The following INPP4A variants were observed in gnomAD, a reference collection of about 807,000 sequenced individuals.
The protein encoded by INPP4A is inositol polyphosphate-4-phosphatase type I A, also known as inositol polyphosphate-4-phosphatase, type I, 107kD.
A neutral mutation model predicts 119.8 loss-of-function variants in INPP4A; 33 were observed. The observed-to-expected ratio is 0.28, with a 90% CI of 0.21 to 0.37. The LOEUF (loss-of-function observed/expected upper bound fraction) is 0.37, where lower values mean the gene tolerates loss of function less well. INPP4A is among the 10% of genes least tolerant of loss of function. INPP4A has a pLI of 1.00. For missense variants in INPP4A, 956 were observed against 1,289.9 expected, an observed-to-expected ratio of 0.74 and a Z score of 3.97; for synonymous variants, 496 against 500.7, an observed-to-expected ratio of 0.99 and a Z score of 0.12.
In INPP4A at chr2:98,546,478, A is replaced by G. The variant is rs1445504170; in HGVS notation, c.1055-108A>G. 2.8e-6 allele frequency: 2 copies of G among 722,170 alleles called. No homozygotes were observed. Among genetic ancestry groups the G allele is most frequent in the East Asian group, 5.2e-5 (2 of 38,206 alleles). 44.7% of individuals were successfully genotyped at this position (722,170 alleles called of 1,614,324 possible). On this transcript the variant is annotated intron_variant, in intron 12 of 24. Transcript: ENST00000409851. The surrounding 1 kb of genome is among the most constrained non-coding windows in gnomAD (Gnocchi z 4.2). ...GGATCAGGGGAACCAAAGGCTGTAC[A>G]GCAGTGGGCTGGAGGGTCAGGACCC...
At chr2:98,525,232 C>T (rs766105304) in intron 4 of INPP4A, among the ~76,000 whole-genome samples, 7 of 152,232 alleles carry the variant, frequency 4.6e-5, no homozygotes, top group Non-Finnish European at 1.0e-4. Flanking sequence ...CAGTCCTCTT[C>T]CTCCATCTTC....
intron 1 of INPP4A, among the ~76,000 whole-genome samples, chr2:98,478,476 G>A (rs1300379878): frequency 1.3e-5 from 2 of 152,132 alleles, no homozygotes; most frequent in African/African-American, 4.8e-5. Flanking sequence ...CCAGACCTGC[G>A]CTGCTGTTAG....
At chr2:98,450,202 G>A (rs112640677) in intron 1 of INPP4A, among the ~76,000 whole-genome samples, 10 of 152,096 alleles carry the variant, frequency 6.6e-5, no homozygotes, top group Admixed American at 6.5e-5. Context: ...CTGTCCAAAG[G>A]TGAGCTGTGG....
intron 1 of INPP4A, among the ~76,000 whole-genome samples, chr2:98,450,886 C>T (rs1695108371): frequency 6.6e-6 from 1 of 152,150 alleles, no homozygotes; most frequent in Non-Finnish European, 1.5e-5. Context: ...GTACTCCTGC[C>T]TCACCCTCCC....
intron 1 of INPP4A, among the ~76,000 whole-genome samples, chr2:98,496,331 A>T (rs1404371240): frequency 2.0e-5 from 3 of 152,220 alleles, no homozygotes; most frequent in Non-Finnish European, 4.4e-5. Flanking sequence ...CGTACAGAAG[A>T]ATGAAATTAG....
At chr2:98,525,166 C>T (rs1477045688) in intron 4 of INPP4A, among the ~76,000 whole-genome samples, 1 of 152,140 alleles carries the variant, frequency 6.6e-6, no homozygotes, top group Non-Finnish European at 1.5e-5. Context: ...TGCTAGCTAT[C>T]AGTTAAGGCC....
At chr2:98,510,515 G>A (rs933132306) in intron 1 of INPP4A, among the ~76,000 whole-genome samples, 4 of 152,160 alleles carry the variant, frequency 2.6e-5, no homozygotes, top group African/African-American at 9.7e-5. Context: ...TGTTGGGAAG[G>A]CGCTGGCATT....
intron 1 of INPP4A, among the ~76,000 whole-genome samples, chr2:98,476,894 G>A (rs1260209852): frequency 6.6e-6 from 1 of 152,186 alleles, no homozygotes; most frequent in East Asian, 1.9e-4. Context: ...TGTTCTCTGG[G>A]TACTCACAGC....
At chr2:98,459,806 A>G (rs1339712577) in intron 1 of INPP4A, among the ~76,000 whole-genome samples, 2 of 152,262 alleles carry the variant, frequency 1.3e-5, no homozygotes, top group Non-Finnish European at 2.9e-5. Context: ...TTGTCAAAGT[A>G]GCAAGAAAAG....
At position 98,533,797 on chromosome 2, in the gene INPP4A, A is replaced by G. The variant is rs112926592; in HGVS notation, c.270+302A>G. Among the ~76,000 whole-genome samples the G allele has an allele frequency of 4.6e-3, 706 of 152,330 alleles. 6 individuals are homozygous for G. Among genetic ancestry groups the G allele is most frequent in the African/African-American group, 0.016 (676 of 41,570 alleles). On this transcript the variant is annotated intron_variant, in intron 5 of 24. Transcript: ENST00000409851. ...ACCTAATTCCTTCTTGTCACCTCCA[A>G]TTGGCTGCTACTTTGCAAGAGTGGT... is the stretch of plus-strand genomic sequence containing the variant.
chr2:98,523,975 C>G (rs1687717662), intron 4 of INPP4A, among the ~76,000 whole-genome samples: 1 of 152,028 alleles, frequency 6.6e-6, no homozygotes, highest in Non-Finnish European at 1.5e-5. Flanking sequence ...TCTTGACATT[C>G]TTTTTTCATG....
intron 1 of INPP4A, among the ~76,000 whole-genome samples, chr2:98,511,508 G>A (rs924421341): frequency 6.6e-6 from 1 of 152,182 alleles, no homozygotes; most frequent in African/African-American, 2.4e-5. Flanking sequence ...GAGGTGGGAG[G>A]TGGGAGAGGG....
In INPP4A at chr2:98,588,435, T is replaced by C. The variant is rs1700144580; in HGVS notation, c.*827T>C. 3 of 204,826 alleles carry C rather than the reference T, an allele frequency of 1.5e-5. No individual in the cohort carries two copies. The highest frequency in any genetic ancestry group is 3.8e-4 in the South Asian group (2 of 5,296). The allele number at this position is 204,826 out of a possible 1,614,324, so 12.7% of individuals were successfully genotyped here. ...TTAATGTAGGGCCTCAGATGTGGCATGTCAACACTCCCATGGGGAATTTAT... is the reference window on the plus strand; with the variant it reads ...TTAATGTAGGGCCTCAGATGTGGCACGTCAACACTCCCATGGGGAATTTAT... On this transcript the variant is annotated 3_prime_UTR_variant, in exon 25 of 25. Coordinates refer to ENST00000409851, the MANE Select transcript of INPP4A (RefSeq NM_001134225.2).
chr2:98,479,160 C>A (rs556839913), intron 1 of INPP4A, among the ~76,000 whole-genome samples: 3 of 152,154 alleles, frequency 2.0e-5, no homozygotes, highest in Non-Finnish European at 1.5e-5. Context: ...AGATATTATT[C>A]GCTGATTTTT....
intron 1 of INPP4A, among the ~76,000 whole-genome samples, chr2:98,506,587 G>A (rs1684088625): frequency 6.6e-6 from 1 of 152,208 alleles, no homozygotes; most frequent in Non-Finnish European, 1.5e-5. Flanking sequence ...GCAGGTGAGC[G>A]GGCAGAAGGC....
At chr2:98,496,467 A>G (rs1681974836) in intron 1 of INPP4A, among the ~76,000 whole-genome samples, 2 of 152,246 alleles carry the variant, frequency 1.3e-5, no homozygotes, top group Admixed American at 1.3e-4. Context: ...GGTACGGGCA[A>G]GGCTTTTTGA....
At chr2:98,579,607 CT>C (rs1486698398) in intron 24 of INPP4A, among the ~76,000 whole-genome samples, 5 of 152,252 alleles carry the variant, frequency 3.3e-5, no homozygotes, top group African/African-American at 9.6e-5. Flanking sequence ...CGGGCGCTGT[CT>C]TTCCTGTCAC....
In INPP4A at chr2:98,532,470, A is replaced by C. The variant is rs561578971; in HGVS notation, c.152-907A>C. ...ATTTTTAAGTATACAGTTTGGTGGC[A>C]TTAAGTATAGTCGTGTGTCATTTAA... On this transcript the variant is annotated intron_variant, in intron 4 of 24. Transcript: ENST00000409851. 2.0e-5 allele frequency among the ~76,000 whole-genome samples: 3 copies of C among 152,334 alleles called. No individual in the cohort carries two copies. In the South Asian group the frequency reaches 6.2e-4, roughly 32 times the overall value.
chr2:98,577,501 G>A (rs1013250617), intron 24 of INPP4A, among the ~76,000 whole-genome samples: 1 of 152,244 alleles, frequency 6.6e-6, no homozygotes, highest in African/African-American at 2.4e-5. Flanking sequence ...CTTAGGGCCA[G>A]TGCTTTCTCA....
Sources: allele counts gnomAD v4.1 joint callset (sites outside exome capture counted in the v4.1 genomes callset), GRCh38; gene constraint gnomAD v4.1.1; non-coding constraint Gnocchi (gnomAD v3.1); transcripts MANE v1.5; gene names NCBI Gene and HGNC (gene_info 2026-07-23, HGNC 2026-07-21).